The following AK9 variants were observed in gnomAD, a reference collection of about 807,000 sequenced individuals.
AK9 encodes adenylate kinase 9.
AK9 carries 191 observed loss-of-function variants against 239.6 expected under a neutral mutation model. The observed-to-expected ratio is 0.80, with a 90% CI of 0.71 to 0.90. The LOEUF (loss-of-function observed/expected upper bound fraction) is 0.90, where lower values mean the gene tolerates loss of function less well. AK9 is among the 40% of genes least tolerant of loss of function. The probability of loss-of-function intolerance (pLI) is 0.00; values close to 1 mark genes in which losing one functional copy is unlikely to be tolerated. For synonymous variants in AK9, 689 were observed against 721.0 expected (o/e 0.96, Z 0.71); for missense variants, 1,995 against 2,214.7 (o/e 0.90, Z 1.99).
Position 109,659,236 on chromosome 6 carries a change from C to T in AK9, c.622G>A (p.Glu208Lys). Residue 208 changes from glutamate to lysine, a missense_variant, in exon 7 of 41, where the codon GAA becomes AAA. Transcript: ENST00000424296. ...EEEEEEEEQE[E>K]EEAFIAEMQM... is the part of the protein sequence containing the mutation. ...ACCTATTGAGATATTACCTCTTCTT[C>T]TTCTTGCTCTTCTTCCTCTTCTTCC... 1 of 1,579,332 alleles carries T rather than the reference C, an allele frequency of 6.3e-7. No homozygotes were observed. Among genetic ancestry groups the T allele is most frequent in the Non-Finnish European group, 8.6e-7 (1 of 1,169,416 alleles).
At chr6:109,646,717 C>G (rs1203915914) in intron 8 of AK9, among the ~76,000 whole-genome samples, 2 of 152,140 alleles carry the variant, frequency 1.3e-5, no homozygotes, top group Admixed American at 1.3e-4. Flanking sequence ...GGCCAACATT[C>G]AAATTCAGGA....
intron 19 of AK9, among the ~76,000 whole-genome samples, chr6:109,581,508 C>T (rs1788857059): frequency 6.6e-6 from 1 of 152,148 alleles, no homozygotes; most frequent in Non-Finnish European, 1.5e-5. Context: ...ATCAAACCAG[C>T]CACAACATTC....
At chr6:109,604,019 C>T (rs1792483823) in intron 17 of AK9, among the ~76,000 whole-genome samples, 1 of 152,166 alleles carries the variant, frequency 6.6e-6, no homozygotes, top group African/African-American at 2.4e-5. Flanking sequence ...CTTTTGCTTC[C>T]CAGGTGAGGT....
At chr6:109,614,327 C>T in intron 14 of AK9, 31 bp from the exon 15 acceptor site, 3 of 1,549,178 alleles carry the variant, frequency 1.9e-6, no homozygotes, top group Middle Eastern at 3.3e-4. Flanking sequence ...ACTTTATCAG[C>T]TAATCTATTT....
intron 12 of AK9, among the ~76,000 whole-genome samples, chr6:109,628,808 C>T (rs1795817271): frequency 6.6e-6 from 1 of 152,122 alleles, no homozygotes; most frequent in African/African-American, 2.4e-5. Flanking sequence ...CCTAGCATTG[C>T]CTATCTTTAT....
rs568763816 is a variant in AK9, at chr6:109,636,026, T to A, written c.934-2703A>T. Among the ~76,000 whole-genome samples the A allele has an allele frequency of 2.1e-4, 32 of 152,314 alleles. No homozygotes were observed. In the South Asian group the frequency reaches 5.0e-3, roughly 24 times the overall value. On this transcript the variant is annotated intron_variant, in intron 10 of 40. Transcript: ENST00000424296. ...GCCATAGGGATTGTTGCTCCTTTTT[T>A]AATATATACCATTGAATAAAGGGCA... is the stretch of plus-strand genomic sequence containing the variant.
At chr6:109,539,257 G>T (rs1380535458) in intron 27 of AK9, among the ~76,000 whole-genome samples, 1 of 152,050 alleles carries the variant, frequency 6.6e-6, no homozygotes, top group African/African-American at 2.4e-5. Flanking sequence ...ACGTAGATTT[G>T]GTCTTTTCAC....
intron 1 of AK9, among the ~76,000 whole-genome samples, chr6:109,678,649 T>G (rs1280537803): frequency 6.6e-6 from 1 of 151,940 alleles, no homozygotes; most frequent in Non-Finnish European, 1.5e-5. Context: ...CAAAAAAGAT[T>G]AATGCGGGAG....
At chr6:109,547,594 G>T (rs1783729419) in intron 25 of AK9, among the ~76,000 whole-genome samples, 1 of 152,048 alleles carries the variant, frequency 6.6e-6, no homozygotes, top group Non-Finnish European at 1.5e-5. Context: ...AAAACTGCTA[G>T]AAGAAAACAT....
chr6:109,539,593 T>C (rs1283819842), intron 27 of AK9, among the ~76,000 whole-genome samples: 2 of 152,208 alleles, frequency 1.3e-5, no homozygotes, highest in Non-Finnish European at 2.9e-5. Context: ...CAAGCCTTCT[T>C]CTCTCAACTT....
At chr6:109,587,386 A>T (rs1347049733) in intron 17 of AK9, among the ~76,000 whole-genome samples, 1 of 152,194 alleles carries the variant, frequency 6.6e-6, no homozygotes, top group Non-Finnish European at 1.5e-5. Context: ...GTGTATATTC[A>T]TGGGTTACAA....
Position 109,516,420 on chromosome 6 carries a change from A to C in AK9, c.3846+10T>G. 1 of 1,543,768 alleles carries C rather than the reference A, an allele frequency of 6.5e-7. No homozygotes were observed. The highest frequency in any genetic ancestry group is 8.8e-7 in the Non-Finnish European group (1 of 1,142,192). On this transcript the variant is annotated intron_variant, in intron 30 of 40. Coordinates refer to ENST00000424296, the MANE Select transcript of AK9 (RefSeq NM_001145128.3). The stretch of plus-strand genomic sequence containing the variant: ...TTTTGAATTATAAAAAGCAAAGGAA[A>C]AGTAATAACCTGTATTATTTGTAAA...
At chr6:109,564,320 A>T in intron 22 of AK9, 40 bp from the exon 23 acceptor site, 1 of 1,471,782 alleles carries the variant, frequency 6.8e-7, no homozygotes, top group Non-Finnish European at 9.1e-7. Context: ...AAGGGGCTTT[A>T]AATATCCTAT....
chr6:109,684,690 T>C (rs6933475), intron 1 of AK9, among the ~76,000 whole-genome samples: 46,586 of 129,584 alleles, frequency 0.36, 8,762 homozygotes, highest in African/African-American at 0.57. Context: ...CCGGCTAAAA[T>C]GGTGAAACCC....
In AK9 at chr6:109,607,850, A is replaced by C. The variant is rs181785238; in HGVS notation, c.1842+2515T>G. Among the ~76,000 whole-genome samples the C allele has an allele frequency of 4.0e-5, 6 of 151,808 alleles. No individual in the cohort carries two copies. In the East Asian group the frequency reaches 9.7e-4, roughly 25 times the overall value. On this transcript the variant is annotated intron_variant, in intron 17 of 40. Transcript: ENST00000424296. ...TAAAATTTATGTGGAAGTAAAAAGG[A>C]CCTATAATAGCTAAGATAATCTTAA...
chr6:109,648,710 A>C (rs1798464289), intron 8 of AK9, among the ~76,000 whole-genome samples: 1 of 152,238 alleles, frequency 6.6e-6, no homozygotes, highest in South Asian at 2.1e-4. Context: ...CAATCAATAG[A>C]AAAAGAGGGA....
At chr6:109,557,241 G>A (rs565528468) in intron 24 of AK9, among the ~76,000 whole-genome samples, 53 of 152,122 alleles carry the variant, frequency 3.5e-4, no homozygotes, top group African/African-American at 1.2e-3. Flanking sequence ...CAATAGTCAG[G>A]TCCCTCTTCC....
At chr6:109,664,629 T>G (rs911315722) in intron 5 of AK9, among the ~76,000 whole-genome samples, 2 of 151,964 alleles carry the variant, frequency 1.3e-5, no homozygotes, top group Admixed American at 6.5e-5. Context: ...TTCACCATGT[T>G]GGCCAGGATG....
chr6:109,663,232 C>T (rs947079346), intron 5 of AK9, among the ~76,000 whole-genome samples: 2 of 151,960 alleles, frequency 1.3e-5, no homozygotes, highest in East Asian at 1.9e-4. Flanking sequence ...TGAAATTCAC[C>T]GTTTACCATC....
Sources: allele counts gnomAD v4.1 joint callset (sites outside exome capture counted in the v4.1 genomes callset), GRCh38; gene constraint gnomAD v4.1.1; transcripts MANE v1.5; gene names NCBI Gene and HGNC (gene_info 2026-07-23, HGNC 2026-07-21).